SYNPR: variants seen among roughly 807,000 people sequenced by gnomAD.
SYNPR encodes the protein synaptoporin.
Under a neutral mutation model 32.9 loss-of-function variants are expected in SYNPR, and 23 were observed. The observed-to-expected ratio is 0.70, with a 90% CI of 0.50 to 0.99. The LOEUF is 0.99. Among genes scored for constraint, SYNPR ranks in the 50% least tolerant of loss-of-function variants. The probability of loss-of-function intolerance (pLI) is 0.00; values close to 1 mark genes in which losing one functional copy is unlikely to be tolerated. For synonymous variants in SYNPR, 146 were observed against 135.9 expected, an observed-to-expected ratio of 1.07 and a Z score of -0.52; for missense variants, 318 against 349.3, an observed-to-expected ratio of 0.91 and a Z score of 0.71.
intron 3 of SYNPR, among the ~76,000 whole-genome samples, chr3:63,496,212 C>T (rs980639554): frequency 1.3e-5 from 2 of 152,000 alleles, no homozygotes; most frequent in African/African-American, 4.8e-5. Context: ...ATAATCTCCA[C>T]AAAAGTTTTG....
rs201195352 is a variant in SYNPR at position 63,351,039 on chromosome 3, A to AT, written c.84+72305dup. Among the ~76,000 whole-genome samples, 659 of 151,876 alleles carry AT rather than the reference A, an allele frequency of 4.3e-3. 4 individuals carry two copies. The highest frequency in any genetic ancestry group is 0.014 in the African/African-American group (581 of 41,428). On this transcript the variant is annotated intron_variant, in intron 2 of 5. Transcript: ENST00000478300. ...CTTATCAGACATTATGCTTTCTTGC[A>AT]TTTTTTTTCTCTAGTTAGTCCTATT...
At chr3:63,509,353 C>T (rs555259098) in intron 3 of SYNPR, among the ~76,000 whole-genome samples, 20 of 150,576 alleles carry the variant, frequency 1.3e-4, no homozygotes, top group African/African-American at 4.9e-4. Context: ...TATATACACA[C>T]ATGTATATAA....
At chr3:63,467,013 TG>T (rs1012579154) in intron 2 of SYNPR, among the ~76,000 whole-genome samples, 1 of 152,132 alleles carries the variant, frequency 6.6e-6, no homozygotes, top group African/African-American at 2.4e-5. Flanking sequence ...TTTATTCATT[TG>T]TTTATTTTTG....
At chr3:63,541,288 C>T (rs1025420184) in intron 3 of SYNPR, among the ~76,000 whole-genome samples, 1 of 151,552 alleles carries the variant, frequency 6.6e-6, no homozygotes, top group Non-Finnish European at 1.5e-5. Context: ...ACACATCTTA[C>T]CTCAAATTTC....
At chr3:63,336,741 A>C (rs1412963805) in intron 2 of SYNPR, among the ~76,000 whole-genome samples, 4 of 152,178 alleles carry the variant, frequency 2.6e-5, no homozygotes, top group African/African-American at 7.2e-5. Context: ...GAAAGGAAAA[A>C]ATTAAGTTAG....
chr3:63,281,455 A>C (rs978370375), intron 2 of SYNPR, among the ~76,000 whole-genome samples: 9 of 152,192 alleles, frequency 5.9e-5, no homozygotes, highest in African/African-American at 2.2e-4. Flanking sequence ...GCTTATACAC[A>C]ACAGAAATTT....
chr3:63,478,965 T>C (rs995712383), intron 2 of SYNPR, among the ~76,000 whole-genome samples: 2 of 152,146 alleles, frequency 1.3e-5, no homozygotes, highest in Admixed American at 1.3e-4. Flanking sequence ...ACTAATTGCT[T>C]ACAGGAAGAG....
At chr3:63,291,112 T>C (rs184642845) in intron 2 of SYNPR, among the ~76,000 whole-genome samples, 1 of 152,330 alleles carries the variant, frequency 6.6e-6, no homozygotes, top group African/African-American at 2.4e-5. Flanking sequence ...TAGAATGTAC[T>C]GGATTTGAAG....
chr3:63,245,680 TGAGAGA>T (rs71992869), intron 1 of SYNPR, among the ~76,000 whole-genome samples: 7,735 of 123,076 alleles, frequency 0.063, 255 homozygotes, highest in Middle Eastern at 0.13. Context: ...CTTTGTCAAG[TGAGAGA>T]GAGAGAGAGA....
chr3:63,407,333 G>C (rs1237950693), intron 2 of SYNPR, among the ~76,000 whole-genome samples: 2 of 152,142 alleles, frequency 1.3e-5, no homozygotes, highest in Non-Finnish European at 2.9e-5. Flanking sequence ...AATGAGTGAA[G>C]GATTACATGA....
At chr3:63,253,608 C>T (rs1267077252) in intron 2 of SYNPR, among the ~76,000 whole-genome samples, 2 of 152,096 alleles carry the variant, frequency 1.3e-5, no homozygotes, top group African/African-American at 4.8e-5. Context: ...AAATCAAAAT[C>T]ACAATGAGAT....
chr3:63,201,833 AC>A, the SYNPR span, among the ~76,000 whole-genome samples: 1 of 152,154 alleles, frequency 6.6e-6, no homozygotes, highest in Admixed American at 6.6e-5. Context: ...AACAGAGATA[AC>A]CAGAACATAA....
intron 2 of SYNPR, among the ~76,000 whole-genome samples, chr3:63,257,329 T>G (rs911054168): frequency 1.3e-5 from 2 of 152,154 alleles, no homozygotes; most frequent in African/African-American, 4.8e-5. Context: ...AAAGGTCGGG[T>G]TACCCACAAA....
upstream of SYNPR, among the ~76,000 whole-genome samples, chr3:63,223,435 T>G (rs939102483): frequency 1.3e-5 from 2 of 151,942 alleles, no homozygotes; most frequent in African/African-American, 4.8e-5. Context: ...CCCACGTTTT[T>G]GAGTTTTCCA....
At chr3:63,475,960 T>C (rs982027934) in intron 2 of SYNPR, among the ~76,000 whole-genome samples, 1 of 151,888 alleles carries the variant, frequency 6.6e-6, no homozygotes, top group Non-Finnish European at 1.5e-5. Context: ...AGGAATACCA[T>C]GTCTCTTTAT....
At chr3:63,250,375 C>T (rs1272550708) in intron 1 of SYNPR, among the ~76,000 whole-genome samples, 4 of 152,034 alleles carry the variant, frequency 2.6e-5, no homozygotes, top group Non-Finnish European at 5.9e-5. Context: ...CCAAGATCTC[C>T]ACGCCTGGGG....
At chr3:63,470,013 A>G (rs957811834) in intron 2 of SYNPR, among the ~76,000 whole-genome samples, 1 of 152,210 alleles carries the variant, frequency 6.6e-6, no homozygotes, top group African/African-American at 2.4e-5. Flanking sequence ...TGATTTTAAG[A>G]AAATCAGTTT....
rs2087624045 is a variant in SYNPR, at chr3:63,359,110, TC to T, written c.84+80369del. On this transcript the variant is annotated intron_variant, in intron 2 of 5. Transcript: ENST00000478300. ...TTTTTCAAAATATGTGTATTAAACT[TC>T]TACTGAGTACCAGAAACTGTGCTGG... Among the ~76,000 whole-genome samples, 3 of 152,184 alleles carry T rather than the reference TC, an allele frequency of 2.0e-5. No individual in the cohort carries two copies. In the South Asian group the frequency reaches 6.2e-4, roughly 31 times the overall value.
At chr3:63,392,840 A>T (rs571612813) in intron 2 of SYNPR, among the ~76,000 whole-genome samples, 1 of 152,154 alleles carries the variant, frequency 6.6e-6, no homozygotes, top group Non-Finnish European at 1.5e-5. Context: ...TTGGAAAAAA[A>T]CTGCACTGAA....
Sources: allele counts gnomAD v4.1 joint callset (sites outside exome capture counted in the v4.1 genomes callset), GRCh38; gene constraint gnomAD v4.1.1; transcripts MANE v1.5; gene names NCBI Gene and HGNC (gene_info 2026-07-23, HGNC 2026-07-21).